The following SVOPL variants were observed in gnomAD, a reference collection of about 807,000 sequenced individuals.
SVOPL encodes putative transporter SVOPL.
In SVOPL, 60 loss-of-function variants were observed where a neutral mutation model predicts 61.0. The observed-to-expected ratio is 0.98, with a 90% CI of 0.80 to 1.22. SVOPL has a LOEUF of 1.22. Ranked by LOEUF, SVOPL falls within the 50% of genes most tolerant of loss-of-function variation. SVOPL has a pLI of 0.00. For missense variants in SVOPL, 662 were observed against 643.9 expected, an observed-to-expected ratio of 1.03 and a Z score of -0.30; for synonymous variants, 279 against 250.0, an observed-to-expected ratio of 1.12 and a Z score of -1.09.
At chr7:138,696,461 T>C (rs746557004) in intron 1 of SVOPL, among the ~76,000 whole-genome samples, 1 of 151,968 alleles carries the variant, frequency 6.6e-6, no homozygotes, top group Non-Finnish European at 1.5e-5. Context: ...TTTTCTCTTA[T>C]CCCCAGGCTG....
chr7:138,670,547 AT>A (rs1175720165), intron 4 of SVOPL, among the ~76,000 whole-genome samples: 1 of 152,074 alleles, frequency 6.6e-6, no homozygotes, highest in Non-Finnish European at 1.5e-5. Flanking sequence ...TACTTGGTCC[AT>A]TTTCTACACC....
At chr7:138,679,210 C>G (rs1248949740) in intron 1 of SVOPL, 131 bp from the exon 2 acceptor site, 4 of 605,622 alleles carry the variant, frequency 6.6e-6, no homozygotes, top group Non-Finnish European at 1.1e-5. Flanking sequence ...TATTTTTATC[C>G]TCTTTTCACA....
intron 3 of SVOPL, among the ~76,000 whole-genome samples, chr7:138,675,210 A>G (rs62485330): frequency 0.46 from 70,036 of 150,974 alleles, 17,102 homozygotes; most frequent in African/African-American, 0.62. Flanking sequence ...AGACCAGCCT[A>G]GGCAACATAG....
chr7:138,627,356 G>A lies in SVOPL; in HGVS notation c.1175C>T (p.Thr392Ile). 6.2e-7 allele frequency: 1 copy of A among 1,611,174 alleles called. No individual in the cohort carries two copies. The highest frequency in any genetic ancestry group is 8.5e-7 in the Non-Finnish European group (1 of 1,177,360). The change falls in exon 12 of 16, where the codon ACT (threonine) becomes ATT (isoleucine). Residue 392 changes from threonine (T) to isoleucine (I), a missense_variant. Thr to Ile is a moderately conservative substitution (Grantham distance 89). Transcript: ENST00000674285. The stretch of plus-strand genomic sequence containing the variant: ...GCAATTAAACAGAAAATACCTTGAA[G>A]TGCAAATGTTGAGGAGAAGGAAGAA... The part of the protein sequence containing the change: ...ALFFLLLNIC[T>I]SSAGLIGFLF...
chr7:138,661,157 G>C, intron 5 of SVOPL: 1 of 985,240 alleles, frequency 1.0e-6, no homozygotes, highest in Non-Finnish European at 1.2e-6. Context: ...TCCTCCATTT[G>C]TGTTTATGCT....
At chr7:138,689,593 C>T (rs534799198) in intron 1 of SVOPL, 3 of 435,298 alleles carry the variant, frequency 6.9e-6, no homozygotes, top group African/African-American at 6.1e-5. Context: ...GATGTGGTGG[C>T]TCTGCCTGTA....
chr7:138,627,495 C>A (rs758890870), intron 11 of SVOPL, 34 bp from the exon 12 acceptor site: 11 of 1,539,884 alleles, frequency 7.1e-6, no homozygotes, highest in South Asian at 4.5e-5. Flanking sequence ...ATTTCTGGAA[C>A]CTTGGAAGGC....
intron 9 of SVOPL, among the ~76,000 whole-genome samples, chr7:138,641,823 T>TATATATATATATATATATAAC (rs1554464923): frequency 1.4e-5 from 2 of 139,696 alleles, no homozygotes; most frequent in Non-Finnish European, 3.1e-5. Flanking sequence ...GTTATATATA[T>TATATATATATATATATATAAC]ATATATATAT....
At chr7:138,599,887 CAAAAAAAA>C (rs11379417) in intron 14 of SVOPL, among the ~76,000 whole-genome samples, 1 of 108,938 alleles carries the variant, frequency 9.2e-6, no homozygotes, top group Admixed American at 9.3e-5. Flanking sequence ...GACTCCGTCT[CAAAAAAAA>C]AAAAAAAAAG....
rs372847788 is a variant in SVOPL, at chr7:138,606,536, G to C, written c.1354-10006C>G. On this transcript the variant is annotated intron_variant, in intron 14 of 15. Coordinates refer to ENST00000674285, the MANE Select transcript of SVOPL (RefSeq NM_001139456.2). ...GAGCCCACTGTGGACATGTCTGAAA[G>C]GGGAGGAAATTTTTTCCCAAGGAGC... 1.4e-4 allele frequency among the ~76,000 whole-genome samples: 22 copies of C among 152,260 alleles called. 1 individual carries two copies. The East Asian group carries it at 3.5e-3, about 24-fold the overall frequency.
chr7:138,696,400 T>C (rs1803065557), intron 1 of SVOPL, among the ~76,000 whole-genome samples: 2 of 151,556 alleles, frequency 1.3e-5, no homozygotes, highest in Admixed American at 1.3e-4. Flanking sequence ...CTGGCTAATT[T>C]TGTTGTTGTT....
chr7:138,607,929 TA>T (rs112133158), intron 14 of SVOPL, among the ~76,000 whole-genome samples: 4 of 152,162 alleles, frequency 2.6e-5, no homozygotes, highest in South Asian at 2.1e-4. Context: ...AAATCAATAT[TA>T]AAAAAATCAA....
intron 14 of SVOPL, among the ~76,000 whole-genome samples, chr7:138,611,635 T>C (rs946957806): frequency 2.0e-5 from 3 of 152,106 alleles, no homozygotes; most frequent in East Asian, 1.9e-4. Flanking sequence ...CAGGCATTTA[T>C]ATAGGACAAA....
intron 14 of SVOPL, among the ~76,000 whole-genome samples, chr7:138,614,647 C>T (rs1161925777): frequency 7.4e-6 from 1 of 135,482 alleles, no homozygotes; most frequent in East Asian, 1.9e-4. Flanking sequence ...CCACCCACCT[C>T]AGCCTCCCAA....
intron 9 of SVOPL, among the ~76,000 whole-genome samples, chr7:138,633,337 G>C (rs780691392): frequency 6.6e-6 from 1 of 152,170 alleles, no homozygotes; most frequent in Non-Finnish European, 1.5e-5. Context: ...TTTGGGTCGT[G>C]GGGGTGGATC....
At chr7:138,676,175 G>A (rs779129044) in intron 3 of SVOPL, among the ~76,000 whole-genome samples, 15 of 152,214 alleles carry the variant, frequency 9.9e-5, no homozygotes, top group Admixed American at 2.0e-4. Flanking sequence ...TACTAAAGGA[G>A]AAAGCGGGAG....
At position 138,691,435 on chromosome 7, in the gene SVOPL, G is replaced by A. The variant is rs148674287; in HGVS notation, c.-35+9743C>T. 2.6e-5 allele frequency among the ~76,000 whole-genome samples: 4 copies of A among 152,214 alleles called. 1 individual carries two copies. The highest frequency in any genetic ancestry group is 3.9e-4 in the East Asian group (2 of 5,180). On this transcript the variant is annotated intron_variant, in intron 1 of 15. Coordinates refer to ENST00000674285, the MANE Select transcript of SVOPL (RefSeq NM_001139456.2). ...ATCTTAAAGGTTTACATTTTAGAGG[G>A]GCACTAAAACAATTTCCATCAAGTC... is the stretch of plus-strand genomic sequence containing the variant.
chr7:138,618,048 G>A (rs556213309), intron 14 of SVOPL, among the ~76,000 whole-genome samples: 3 of 152,226 alleles, frequency 2.0e-5, no homozygotes, highest in African/African-American at 4.8e-5. Context: ...ACCCTAAACC[G>A]AGGCAAATAT....
rs528542639 is a variant in SVOPL at position 138,674,298 on chromosome 7, G to A, written c.175-2181C>T. ...TGCTGTGGATGCTGTTATATACACCGTCACACGAGGCCCGGAAACCCAACT... is the reference window on the plus strand; with the variant it reads ...TGCTGTGGATGCTGTTATATACACCATCACACGAGGCCCGGAAACCCAACT... On this transcript the variant is annotated intron_variant, in intron 3 of 15. Transcript: ENST00000674285. Among the ~76,000 whole-genome samples, 86 of 151,936 alleles carry A rather than the reference G, an allele frequency of 5.7e-4. 2 individuals are homozygous for A. Among genetic ancestry groups the A allele is most frequent in the African/African-American group, 1.9e-3 (78 of 41,460 alleles).
Sources: allele counts gnomAD v4.1 joint callset (sites outside exome capture counted in the v4.1 genomes callset), GRCh38; gene constraint gnomAD v4.1.1; transcripts MANE v1.5; gene names NCBI Gene and HGNC (gene_info 2026-07-23, HGNC 2026-07-21).